THEMIS: variants seen among roughly 807,000 people sequenced by gnomAD.
THEMIS encodes the protein protein THEMIS.
Under a neutral mutation model 52.6 loss-of-function variants are expected in THEMIS, and 37 were observed. The ratio of observed to expected loss-of-function variants is 0.70; its 90% confidence interval spans 0.54 to 0.93. The LOEUF (loss-of-function observed/expected upper bound fraction) is 0.93. Ranked by LOEUF, THEMIS falls within the 40% of genes least tolerant of loss-of-function variation. The probability of loss-of-function intolerance (pLI) is 0.00; values close to 1 mark genes in which losing one functional copy is unlikely to be tolerated. For missense variants in THEMIS, 808 were observed against 763.1 expected (o/e 1.06, Z -0.69); for synonymous variants, 292 against 272.7 (o/e 1.07, Z -0.70).
At chr6:127,801,336 C>T (rs1383581151) in intron 4 of THEMIS, among the ~76,000 whole-genome samples, 3 of 152,142 alleles carry the variant, frequency 2.0e-5, no homozygotes, top group Non-Finnish European at 4.4e-5. Context: ...CTCAGATCTG[C>T]TAAGATTGCC....
At chr6:127,768,824 A>T (rs1776281188) in intron 4 of THEMIS, among the ~76,000 whole-genome samples, 1 of 152,192 alleles carries the variant, frequency 6.6e-6, no homozygotes, top group Non-Finnish European at 1.5e-5. Flanking sequence ...TCACCTTTTA[A>T]ATATTGGCTT....
chr6:127,712,396 A>C (rs1330649682), intron 5 of THEMIS, among the ~76,000 whole-genome samples: 1 of 151,936 alleles, frequency 6.6e-6, no homozygotes, highest in Non-Finnish European at 1.5e-5. Context: ...TTCCACATTG[A>C]ATAGAAACTG....
intron 1 of THEMIS, among the ~76,000 whole-genome samples, chr6:127,869,556 G>A (rs960391041): frequency 6.6e-6 from 1 of 152,194 alleles, no homozygotes; most frequent in Non-Finnish European, 1.5e-5. Context: ...GTTGGGGGCT[G>A]TCTGTATTTG....
chr6:127,856,389 T>C (rs955939579), intron 1 of THEMIS, among the ~76,000 whole-genome samples: 6 of 151,890 alleles, frequency 4.0e-5, no homozygotes, highest in African/African-American at 1.2e-4. Flanking sequence ...AAGTTTATCA[T>C]AGGGGCCATC....
intron 2 of THEMIS, among the ~76,000 whole-genome samples, chr6:127,851,582 A>G (rs1161096482): frequency 2.0e-5 from 3 of 151,804 alleles, no homozygotes; most frequent in African/African-American, 7.2e-5. Context: ...AAACAAGCAT[A>G]TGAGAAGCAT....
intron 4 of THEMIS, among the ~76,000 whole-genome samples, chr6:127,734,913 A>ATATATATATG (rs1398876841): frequency 5.6e-5 from 6 of 106,452 alleles, no homozygotes; most frequent in African/African-American, 2.3e-4. Context: ...ATATATATAT[A>ATATATATATG]TGTGTGTGTG....
intron 4 of THEMIS, among the ~76,000 whole-genome samples, chr6:127,798,969 G>A (rs1299380855): frequency 1.4e-5 from 2 of 144,226 alleles, no homozygotes; most frequent in Non-Finnish European, 3.0e-5. Context: ...TCCAGCCTGG[G>A]CGACAGAGCG....
Position 127,906,280 on chromosome 6 carries a change from G to T in THEMIS, c.-149-5199C>A, listed in dbSNP as rs555062300. ...AAGAAGGATTATAAAAGATAATAAG[G>T]TTATTTGTTTAATAATGAAAGGGTG... On this transcript the variant is annotated intron_variant, in intron 1 of 6. Transcript: ENST00000368250. Among the ~76,000 whole-genome samples, 16 of 151,770 alleles carry T rather than the reference G, an allele frequency of 1.1e-4. No homozygotes were observed. The East Asian group carries it at 2.9e-3, about 28-fold the overall frequency.
chr6:127,800,389 A>G (rs1463150886), intron 4 of THEMIS, among the ~76,000 whole-genome samples: 1 of 152,136 alleles, frequency 6.6e-6, no homozygotes, highest in African/African-American at 2.4e-5. Flanking sequence ...TTTATCACAT[A>G]TTTGTTGACA....
chr6:127,830,171 C>G (rs1778653607), intron 2 of THEMIS, among the ~76,000 whole-genome samples: 1 of 152,026 alleles, frequency 6.6e-6, no homozygotes, highest in South Asian at 2.1e-4. Flanking sequence ...GGGGAAAATA[C>G]CTTGAAATAG....
intron 4 of THEMIS, among the ~76,000 whole-genome samples, chr6:127,761,612 G>A (rs1776024164): frequency 6.6e-6 from 1 of 152,058 alleles, no homozygotes; most frequent in Admixed American, 6.6e-5. Context: ...TGCTATACAG[G>A]ACCTGATGAA....
intron 1 of THEMIS, among the ~76,000 whole-genome samples, chr6:127,896,263 T>C (rs1583406617): frequency 6.6e-6 from 1 of 151,242 alleles, no homozygotes; most frequent in African/African-American, 2.4e-5. Flanking sequence ...AGTATTATAG[T>C]AGAAGCAAAA....
At chr6:127,773,297 A>G (rs1021679133) in intron 4 of THEMIS, among the ~76,000 whole-genome samples, 3 of 152,224 alleles carry the variant, frequency 2.0e-5, no homozygotes, top group African/African-American at 7.2e-5. Context: ...TTTGATCATC[A>G]CAAAGACTCC....
intron 4 of THEMIS, among the ~76,000 whole-genome samples, chr6:127,763,469 T>C (rs1222389811): frequency 6.6e-6 from 1 of 151,958 alleles, no homozygotes; most frequent in Non-Finnish European, 1.5e-5. Flanking sequence ...TCTAGACTTC[T>C]GCGTAACAAA....
chr6:127,709,827 A>G lies in THEMIS; in HGVS notation c.*158T>C, dbSNP rs1773913192. 2 of 623,426 alleles carry G rather than the reference A, an allele frequency of 3.2e-6. 1 individual carries two copies. The highest frequency in any genetic ancestry group is 3.9e-5 in the African/African-American group (2 of 51,840). 38.6% of individuals were successfully genotyped at this position (623,426 alleles called of 1,614,324 possible). ...TATATCATAGGTTTCTGTAAGTTTT[A>G]TCTGTTAAAAGTTTTAAGGTTGTTC... is the stretch of plus-strand genomic sequence containing the variant. On this transcript the variant is annotated 3_prime_UTR_variant, in exon 6 of 6. Transcript: ENST00000368248.
chr6:127,747,308 T>C (rs1400119689), intron 4 of THEMIS, among the ~76,000 whole-genome samples: 1 of 127,062 alleles, frequency 7.9e-6, no homozygotes, highest in African/African-American at 2.6e-5. Flanking sequence ...TAATGGTATA[T>C]AATTATAAAT....
At chr6:127,726,485 T>C in intron 4 of THEMIS, among the ~76,000 whole-genome samples, 1 of 152,168 alleles carries the variant, frequency 6.6e-6, no homozygotes. Context: ...TCTTCATTAC[T>C]ATTAAGATTA....
intron 3 of THEMIS, among the ~76,000 whole-genome samples, chr6:127,820,294 C>A (rs1291343468): frequency 6.6e-6 from 1 of 151,650 alleles, no homozygotes. Context: ...AAAGGCATGG[C>A]CACAACATGA....
Position 127,813,928 on chromosome 6 carries a change from C to G in THEMIS, c.713G>C (p.Arg238Pro). Residue 238 changes from arginine to proline, a missense_variant, in exon 4 of 6, where the codon CGA (arginine) becomes CCA (proline). Coordinates refer to ENST00000368248, the MANE Select transcript of THEMIS (RefSeq NM_001010923.3). ...GGGGAGGATGCGGATTATATCTTTT[C>G]GAACTAAAAAGAAAAAATAAATCAC... is the stretch of plus-strand genomic sequence containing the variant. The part of the protein sequence containing the change: ...VYEIQGVMKF[R>P]KDIIRILPSL... The G allele has an allele frequency of 6.5e-7, 1 of 1,531,336 alleles. No individual in the cohort carries two copies. Among genetic ancestry groups the G allele is most frequent in the Non-Finnish European group, 8.7e-7 (1 of 1,142,950 alleles). 94.9% of individuals were successfully genotyped at this position (1,531,336 alleles called of 1,614,324 possible).
Sources: gnomAD v4.1 joint callset for allele counts (sites outside exome capture counted in the v4.1 genomes callset) on GRCh38, gnomAD v4.1.1 for gene constraint, MANE v1.5 for transcripts, NCBI Gene and HGNC (gene_info 2026-07-23, HGNC 2026-07-21) for gene names.